NEXMIF: variants seen among roughly 807,000 people sequenced by gnomAD.
NEXMIF encodes neurite extension and migration factor.
Under a neutral mutation model 62.1 loss-of-function variants are expected in NEXMIF, and 8 were observed. That is an observed-to-expected ratio of 0.13 (90% confidence interval 0.08 to 0.23). NEXMIF has a LOEUF of 0.23. Ranked by LOEUF, NEXMIF falls within the 10% of genes least tolerant of loss-of-function variation. The pLI is 1.00. For missense variants in NEXMIF, 976 were observed against 1,113.3 expected (o/e 0.88, Z 1.75); for synonymous variants, 404 against 416.6 (o/e 0.97, Z 0.37).
chrX:74,870,067 A>C (rs1434804317), intron 1 of NEXMIF, among the ~76,000 whole-genome samples: 1 of 111,653 alleles, frequency 9.0e-6, no homozygotes, highest in Non-Finnish European at 1.9e-5. Context: ...TAATTTCTCA[A>C]ATTATACTAC....
intron 1 of NEXMIF, among the ~76,000 whole-genome samples, chrX:74,796,143 TTA>T (rs1218950491): frequency 4.0e-5 from 3 of 74,098 alleles, no homozygotes; most frequent in South Asian, 5.5e-4. Flanking sequence ...AATATATATA[TTA>T]TATATATACA....
In NEXMIF at chrX:74,819,338, T is replaced by A. The variant is rs749277928; in HGVS notation, c.-47-73641A>T. On this transcript the variant is annotated intron_variant, in intron 1 of 3. Coordinates refer to ENST00000055682, the MANE Select transcript of NEXMIF (RefSeq NM_001008537.3). ...CAAAAGCCAAAATAGACAAATGAGA[T>A]CTAATTAAACTTAAAGAGCTTCTGC... Among the ~76,000 whole-genome samples, 130 of 110,942 alleles carry A rather than the reference T, an allele frequency of 1.2e-3. No homozygotes were observed. In the Middle Eastern group the frequency reaches 0.014, roughly 12 times the overall value.
intron 1 of NEXMIF, among the ~76,000 whole-genome samples, chrX:74,835,281 G>A (rs1294820709): frequency 2.7e-5 from 3 of 111,846 alleles, no homozygotes; most frequent in East Asian, 2.8e-4. Flanking sequence ...GTCACATATC[G>A]CTGTTTCTTT....
chrX:74,739,555 A>G, intron 3 of NEXMIF, 57 bp from the exon 4 acceptor site: 2 of 742,653 alleles, frequency 2.7e-6, no homozygotes, highest in Non-Finnish European at 4.1e-6. Context: ...TATGTCCCAC[A>G]AAGGGATCAT....
At chrX:74,904,853 A>T (rs1602273221) in intron 1 of NEXMIF, among the ~76,000 whole-genome samples, 1 of 110,815 alleles carries the variant, frequency 9.0e-6, no homozygotes, top group African/African-American at 3.3e-5. Flanking sequence ...TTACTACTTC[A>T]TGGAATGGGG....
rs772632995 is a variant in NEXMIF, at chrX:74,741,716, C to A, written c.2841G>T (p.Lys947Asn). 3.3e-6 allele frequency: 4 copies of A among 1,209,743 alleles called. No homozygotes were observed. In the African/African-American group the frequency reaches 7.0e-5, roughly 21 times the overall value. ...TATCTTGCATGGAGTCATACAGGAC[C>A]TTGTTGCAATTACTGCCACCACTAT... ...CLNSGGSNCNKVLYDSMQDTQ... is the reference protein window; with the variant it reads ...CLNSGGSNCNNVLYDSMQDTQ... The change falls in exon 3 of 4, where the codon AAG (lysine) becomes AAT (asparagine). Residue 947 changes from lysine (K) to asparagine (N), a missense_variant. Transcript: ENST00000055682.
chrX:74,831,444 T>A (rs1425487364), intron 1 of NEXMIF, among the ~76,000 whole-genome samples: 2 of 103,054 alleles, frequency 1.9e-5, no homozygotes, highest in Non-Finnish European at 3.9e-5. Flanking sequence ...ACATGCGGTG[T>A]TTGGTTTTTT....
chrX:74,766,545 G>A (rs1485076274), intron 1 of NEXMIF, among the ~76,000 whole-genome samples: 1 of 111,852 alleles, frequency 8.9e-6, no homozygotes, highest in Non-Finnish European at 1.9e-5. Flanking sequence ...ACTGCATTGT[G>A]AAATTCTTGT....
chrX:74,833,516 T>C (rs1271969806), intron 1 of NEXMIF, among the ~76,000 whole-genome samples: 1 of 111,986 alleles, frequency 8.9e-6, no homozygotes, highest in Non-Finnish European at 1.9e-5. Context: ...TGGGGTCTTG[T>C]ATTTTCATCC....
rs191513613 is a variant in NEXMIF, at chrX:74,897,890, A to G, written c.-48+26993T>C. On this transcript the variant is annotated intron_variant, in intron 1 of 3. Transcript: ENST00000055682. ...GGCCAAAGCTGAAACAATTTGAGAA[A>G]CAAAATAAAGCAGTATTGGACTATA... Among the ~76,000 whole-genome samples the G allele has an allele frequency of 3.2e-3, 358 of 112,626 alleles. 2 individuals are homozygous for G. The highest frequency in any genetic ancestry group is 0.011 in the African/African-American group (342 of 31,069).
At chrX:74,886,367 T>G (rs187208033) in intron 1 of NEXMIF, among the ~76,000 whole-genome samples, 5 of 111,832 alleles carry the variant, frequency 4.5e-5, no homozygotes, top group Admixed American at 2.8e-4. Context: ...TTGTCCCTGT[T>G]TGCAGATGAC....
chrX:74,829,705 C>T (rs752960511), intron 1 of NEXMIF, among the ~76,000 whole-genome samples: 2 of 111,846 alleles, frequency 1.8e-5, no homozygotes, highest in East Asian at 5.6e-4. Context: ...CACATTCTTA[C>T]CAGCATTTGT....
At position 74,739,032 on chromosome X, in the gene NEXMIF, T is replaced by A. The variant is rs2080093466; in HGVS notation, c.*373A>T. On this transcript the variant is annotated 3_prime_UTR_variant, in exon 4 of 4. Transcript: ENST00000055682. ...TTGGTAAATTGTGTAACACAACATA[T>A]TTTTCCACCATGATCTACAGGTGCT... The A allele has an allele frequency of 8.4e-6, 1 of 119,122 alleles. No individual in the cohort carries two copies. The highest frequency in any genetic ancestry group is 3.2e-5 in the African/African-American group (1 of 30,801). 9.8% of individuals were successfully genotyped at this position (119,122 alleles called of 1,213,427 possible).
At chrX:74,762,610 T>C (rs769598495) in intron 1 of NEXMIF, among the ~76,000 whole-genome samples, 14 of 111,783 alleles carry the variant, frequency 1.3e-4, no homozygotes, top group Non-Finnish European at 2.1e-4. Context: ...TTTCTCCACA[T>C]CCTCTCCAGC....
chrX:74,854,816 A>G (rs148101643), intron 1 of NEXMIF, among the ~76,000 whole-genome samples: 1,387 of 111,953 alleles, frequency 0.012, 24 homozygotes, highest in African/African-American at 0.043. Flanking sequence ...ATAGTTATAA[A>G]AAAGAGTTAC....
At chrX:74,807,204 C>T (rs1244072117) in intron 1 of NEXMIF, among the ~76,000 whole-genome samples, 2 of 111,893 alleles carry the variant, frequency 1.8e-5, no homozygotes. Flanking sequence ...TTTAGATCTC[C>T]TTTGATTTTT....
At chrX:74,806,238 G>T (rs1379068251) in intron 1 of NEXMIF, among the ~76,000 whole-genome samples, 1 of 110,510 alleles carries the variant, frequency 9.0e-6, no homozygotes, top group East Asian at 2.8e-4. Flanking sequence ...TTATTACCTG[G>T]CAACAATAGA....
Position 74,886,805 on chromosome X carries a change from A to C in NEXMIF, c.-48+38078T>G, listed in dbSNP as rs1235766388. 8.1e-4 allele frequency among the ~76,000 whole-genome samples: 86 copies of C among 106,446 alleles called. 1 individual carries two copies. Among genetic ancestry groups the C allele is most frequent in the African/African-American group, 2.9e-3 (78 of 26,616 alleles). 92.4% of individuals were successfully genotyped at this position (106,446 alleles called of 115,157 possible). On this transcript the variant is annotated intron_variant, in intron 1 of 3. Coordinates refer to ENST00000055682, the MANE Select transcript of NEXMIF (RefSeq NM_001008537.3). ...ACAGAATTGGAAAAAACTACTTTAA[A>C]GTTCATATGGAACCAAAAAAGAGCC...
rs1390833758 is a variant in NEXMIF at position 74,739,312 on chromosome X, C to T, written c.*93G>A. On this transcript the variant is annotated 3_prime_UTR_variant, in exon 4 of 4. Transcript: ENST00000055682. ...ATGAGATTAAAGTTTGCTCCAAAGA[C>T]GTATTCCCACAATTTAAAATTCTTT... The T allele has an allele frequency of 1.8e-6, 1 of 566,041 alleles. No homozygotes were observed. Among genetic ancestry groups the T allele is most frequent in the East Asian group, 3.9e-5 (1 of 25,841 alleles). 46.6% of individuals were successfully genotyped at this position (566,041 alleles called of 1,213,427 possible).
Sources: gnomAD v4.1 joint callset for allele counts (sites outside exome capture counted in the v4.1 genomes callset) on GRCh38, gnomAD v4.1.1 for gene constraint, MANE v1.5 for transcripts, NCBI Gene and HGNC (gene_info 2026-07-23, HGNC 2026-07-21) for gene names.